The following TLN2 variants were observed in gnomAD, a reference collection of about 807,000 sequenced individuals.
TLN2 encodes talin-2.
A neutral mutation model predicts 294.7 loss-of-function variants in TLN2; 118 were observed. That is an observed-to-expected ratio of 0.40 (90% CI 0.34 to 0.47). The LOEUF is 0.47. Ranked by LOEUF, TLN2 falls within the 20% of genes least tolerant of loss-of-function variation. TLN2 has a pLI of 0.84. For synonymous variants in TLN2, 1,431 were observed against 1,304.5 expected (o/e 1.10, Z -2.09); for missense variants, 3,083 against 3,282.2 (o/e 0.94, Z 1.48).
intron 1 of TLN2, among the ~76,000 whole-genome samples, chr15:62,491,911 T>C (rs1331842295): frequency 6.6e-6 from 1 of 152,122 alleles, no homozygotes; most frequent in Non-Finnish European, 1.5e-5. Flanking sequence ...GGAAGCCTTA[T>C]CTCACCAAGG....
rs2053118062 is a variant in TLN2, at chr15:62,655,582, G to GTAGTGCTT, written c.518-359_518-358insTGCTTTAG. On this transcript the variant is annotated intron_variant, in intron 7 of 58. Transcript: ENST00000636159. ...AGAGGCAGCATATTATACATTCATT[G>GTAGTGCTT]TAGCACATGTCACCGTGGGTTGGCT... Among the ~76,000 whole-genome samples, 18 of 11,798 alleles carry GTAGTGCTT rather than the reference G, an allele frequency of 1.5e-3. 3 individuals carry two copies. The Non-Finnish European group carries it at 0.039, about 26-fold the overall frequency. The allele number at this position is 11,798 out of a possible 152,430, so 7.7% of individuals were successfully genotyped here.
At chr15:62,402,621 C>A (rs2033110501) in intron 1 of TLN2, among the ~76,000 whole-genome samples, 1 of 152,204 alleles carries the variant, frequency 6.6e-6, no homozygotes, top group Non-Finnish European at 1.5e-5. Context: ...CTAGAGAAAA[C>A]ACATATCTCT....
intron 1 of TLN2, among the ~76,000 whole-genome samples, chr15:62,405,687 G>C (rs1012273044): frequency 2.0e-5 from 3 of 152,132 alleles, no homozygotes; most frequent in African/African-American, 7.2e-5. Flanking sequence ...TCTGGGGTGG[G>C]GTTTGGGTTT....
intron 45 of TLN2, among the ~76,000 whole-genome samples, chr15:62,791,953 T>C (rs773534185): frequency 3.9e-5 from 6 of 152,186 alleles, no homozygotes; most frequent in Non-Finnish European, 8.8e-5. Context: ...AAGTACCTTT[T>C]ATAATCACAC....
At chr15:62,528,787 C>G (rs989037945) in intron 1 of TLN2, among the ~76,000 whole-genome samples, 3 of 146,144 alleles carry the variant, frequency 2.1e-5, no homozygotes, top group Admixed American at 1.4e-4. Flanking sequence ...GTTTTTCTAT[C>G]CCTTCCAATC....
chr15:62,789,200 T>C (rs2064905424), intron 45 of TLN2, among the ~76,000 whole-genome samples: 2 of 152,180 alleles, frequency 1.3e-5, no homozygotes, highest in Non-Finnish European at 2.9e-5. Context: ...GCAAGATACC[T>C]GTGAGGCTGA....
chr15:62,724,856 C>T, intron 26 of TLN2, 120 bp from the exon 27 acceptor site: 1 of 1,290,154 alleles, frequency 7.8e-7, no homozygotes, highest in Non-Finnish European at 1.0e-6. Flanking sequence ...TTCCTTGCTC[C>T]TCCTGCTGGA....
intron 55 of TLN2, 32 bp downstream of exon 55, chr15:62,833,661 C>T (rs2069118240): frequency 1.2e-6 from 2 of 1,607,982 alleles, no homozygotes; most frequent in African/African-American, 1.3e-5. Context: ...ATGCGGGACA[C>T]TCAACGTACG....
intron 1 of TLN2, among the ~76,000 whole-genome samples, chr15:62,431,376 G>C (rs550456876): frequency 1.3e-5 from 2 of 152,256 alleles, no homozygotes; most frequent in East Asian, 3.9e-4. Context: ...AATTAAGGCC[G>C]AATGTTCTCT....
At chr15:62,577,385 G>A (rs1030491766) in intron 1 of TLN2, among the ~76,000 whole-genome samples, 17 of 152,096 alleles carry the variant, frequency 1.1e-4, no homozygotes, top group East Asian at 1.9e-4. Flanking sequence ...CGGAGGTTGT[G>A]GTGAGCCGAG....
At chr15:62,825,935 A>G (rs1352755389) in intron 54 of TLN2, among the ~76,000 whole-genome samples, 8 of 138,846 alleles carry the variant, frequency 5.8e-5, no homozygotes, top group African/African-American at 8.5e-5. Context: ...CAGGAGGCTG[A>G]GAATCGATTG....
chr15:62,392,722 G>T (rs897279625), intron 1 of TLN2, among the ~76,000 whole-genome samples: 1 of 152,124 alleles, frequency 6.6e-6, no homozygotes, highest in Non-Finnish European at 1.5e-5. Flanking sequence ...CACTGAAGAG[G>T]CTAGAAGGGA....
At chr15:62,602,254 T>G (rs1257588397) in intron 2 of TLN2, among the ~76,000 whole-genome samples, 1 of 152,232 alleles carries the variant, frequency 6.6e-6, no homozygotes, top group African/African-American at 2.4e-5. Flanking sequence ...TTCTTTCATC[T>G]GTGCCAAAAA....
rs2059461116 is a variant in TLN2 at position 62,712,072 on chromosome 15, G to A, written c.2629G>A (p.Ala877Thr). 1 of 1,613,806 alleles carries A rather than the reference G, an allele frequency of 6.2e-7. No individual in the cohort carries two copies. Among genetic ancestry groups the A allele is most frequent in the African/African-American group, 1.3e-5 (1 of 75,068 alleles). Reference sequence around the variant, plus strand: ...CTCCACTGCTCGCATGGTGGAAGCTGCAAAGGTATTCTACTGGATTTGTTT... The same window carrying A: ...CTCCACTGCTCGCATGGTGGAAGCTACAAAGGTATTCTACTGGATTTGTTT... ...ADSTARMVEA[A>T]KGAAANPENE... is the part of the protein sequence containing the mutation. Residue 877 changes from alanine (A) to threonine (T), a missense_variant, in exon 22 of 59, where the codon GCA becomes ACA. Ala to Thr is a moderately conservative substitution (Grantham distance 58, BLOSUM62 0). Coordinates refer to ENST00000636159, the MANE Select transcript of TLN2 (RefSeq NM_015059.3).
At chr15:62,527,696 A>AGTATGG (rs1391791534) in intron 1 of TLN2, among the ~76,000 whole-genome samples, 1 of 152,260 alleles carries the variant, frequency 6.6e-6, no homozygotes, top group African/African-American at 2.4e-5. Flanking sequence ...GTCTGTACAC[A>AGTATGG]GTATGGCTTT....
intron 1 of TLN2, among the ~76,000 whole-genome samples, chr15:62,538,224 C>T (rs563592969): frequency 6.7e-6 from 1 of 150,326 alleles, no homozygotes; most frequent in Non-Finnish European, 1.5e-5. Context: ...CTTTGTCATA[C>T]ACACACACAC....
chr15:62,644,588 T>C (rs1239241505), intron 3 of TLN2: 7 of 456,064 alleles, frequency 1.5e-5, no homozygotes, highest in Non-Finnish European at 2.6e-5. Flanking sequence ...TCTGCTTCTC[T>C]CCTTCCTGTC....
rs1415926060 is a variant in TLN2 at position 62,742,022 on chromosome 15, GGGGTGTGTGT to G, written c.4025+1255_4025+1264del. 1.4e-3 allele frequency among the ~76,000 whole-genome samples: 144 copies of G among 100,232 alleles called. 4 individuals carry two copies. The highest frequency in any genetic ancestry group is 7.3e-3 in the East Asian group (8 of 1,098). 65.8% of individuals were successfully genotyped at this position (100,232 alleles called of 152,430 possible). A position where few individuals can be genotyped will look rare whatever the true frequency, so the allele number is the denominator to read the frequency against. On this transcript the variant is annotated intron_variant, in intron 32 of 58. Coordinates refer to ENST00000636159, the MANE Select transcript of TLN2 (RefSeq NM_015059.3). ...TCCTTCCTCCCTCTTGGCTTGTAGT[GGGGTGTGTGT>G]GTGTGTGTGTGTGTGTGTGTGTGTG...
chr15:62,795,847 C>T (rs1014359353), intron 46 of TLN2, among the ~76,000 whole-genome samples: 11 of 152,178 alleles, frequency 7.2e-5, no homozygotes, highest in Non-Finnish European at 1.5e-4. Context: ...ATTTTTCTTC[C>T]TACTTAATTC....
Sources: allele counts gnomAD v4.1 joint callset (sites outside exome capture counted in the v4.1 genomes callset), GRCh38; gene constraint gnomAD v4.1.1; transcripts MANE v1.5; gene names NCBI Gene and HGNC (gene_info 2026-07-23, HGNC 2026-07-21).